SRGAP2: variants seen among roughly 807,000 people sequenced by gnomAD.
The protein encoded by SRGAP2 is SLIT-ROBO Rho GTPase activating protein 2.
In SRGAP2, 15 loss-of-function variants were observed where a neutral mutation model predicts 57.2. That is an observed-to-expected ratio of 0.26 (90% CI 0.18 to 0.40). The LOEUF (loss-of-function observed/expected upper bound fraction) is 0.40. SRGAP2 is among the 10% of genes least tolerant of loss of function. The pLI, the probability that SRGAP2 is intolerant of heterozygous loss-of-function variation, is 1.00. For synonymous variants in SRGAP2, 249 were observed against 248.0 expected (o/e 1.00, Z -0.04); for missense variants, 520 against 669.6 (o/e 0.78, Z 2.47).
intron 3 of SRGAP2, among the ~76,000 whole-genome samples, chr1:206,315,598 G>A (rs1384623494): frequency 1.1e-5 from 1 of 87,058 alleles, no homozygotes; most frequent in Non-Finnish European, 2.0e-5. Flanking sequence ...TGGAGGAAGA[G>A]TTGGGAGGAC....
intron 2 of SRGAP2, among the ~76,000 whole-genome samples, chr1:206,279,856 T>C (rs1202484321): frequency 2.0e-5 from 3 of 151,840 alleles, no homozygotes; most frequent in African/African-American, 7.3e-5. Context: ...GCTGGTTGTC[T>C]CCACTCTCTT....
chr1:206,433,564 C>G (rs1484555842), intron 14 of SRGAP2, among the ~76,000 whole-genome samples: 1 of 151,538 alleles, frequency 6.6e-6, no homozygotes, highest in Admixed American at 6.6e-5. Context: ...TCACTCAAAC[C>G]CAGGAGATGG....
rs1175692568 is a variant in SRGAP2 at position 206,429,064 on chromosome 1, ATAAATGG to A, written c.1495-1095_1495-1089del. Among the ~76,000 whole-genome samples, 4 of 152,150 alleles carry A rather than the reference ATAAATGG, an allele frequency of 2.6e-5. No homozygotes were observed. In the East Asian group the frequency reaches 7.7e-4, roughly 29 times the overall value. On this transcript the variant is annotated intron_variant, in intron 13 of 22. Transcript: ENST00000573034. ...GCCTCACACCTCTTTAAATTCCTCTATAAATGGTAGGCACTAATGTTCATGTGTTAAT... is the reference window on the plus strand; with the variant it reads ...GCCTCACACCTCTTTAAATTCCTCTATAGGCACTAATGTTCATGTGTTAAT...
intron 14 of SRGAP2, among the ~76,000 whole-genome samples, chr1:206,432,094 T>C (rs782093483): frequency 6.6e-6 from 1 of 152,216 alleles, no homozygotes; most frequent in Non-Finnish European, 1.5e-5. Context: ...CCTGATGCTC[T>C]ATGGAGCTAA....
intron 4 of SRGAP2, among the ~76,000 whole-genome samples, chr1:206,353,565 T>G (rs1676190720): frequency 6.6e-6 from 1 of 152,036 alleles, no homozygotes. Context: ...GAGAATCACT[T>G]GAACCCAGAA....
chr1:206,415,370 A>G lies in SRGAP2; in HGVS notation c.1357-519A>G, dbSNP rs1464367171. ...GAAGCTTTCCATAAAGACTCCATGC[A>G]GAATAGAGAAGGAAGCTGTTGAGGA... On this transcript the variant is annotated intron_variant, in intron 10 of 22. Transcript: ENST00000573034. Among the ~76,000 whole-genome samples the G allele has an allele frequency of 2.0e-5, 3 of 152,240 alleles. No homozygotes were observed. In the East Asian group the frequency reaches 5.8e-4, roughly 29 times the overall value.
In SRGAP2 at chr1:206,443,417, C is replaced by T. The variant is rs759512036; in HGVS notation, c.1875-2658C>T. Among the ~76,000 whole-genome samples the T allele has an allele frequency of 7.4e-4, 113 of 152,162 alleles. 1 individual carries two copies. Among genetic ancestry groups the T allele is most frequent in the Non-Finnish European group, 2.8e-4 (19 of 68,038 alleles). On this transcript the variant is annotated intron_variant, in intron 17 of 22. Coordinates refer to ENST00000573034, the MANE Select transcript of SRGAP2 (RefSeq NM_015326.5). ...GAGATGGAGTTTTGCTCTTGTCCCCCAAGCTGGAGTGCAATGGCACAATCT... is the reference window on the plus strand; with the variant it reads ...GAGATGGAGTTTTGCTCTTGTCCCCTAAGCTGGAGTGCAATGGCACAATCT...
intron 18 of SRGAP2, among the ~76,000 whole-genome samples, chr1:206,448,829 CAG>C (rs1269980334): frequency 1.3e-5 from 2 of 151,622 alleles, no homozygotes; most frequent in Non-Finnish European, 2.9e-5. Flanking sequence ...CCCTAGAAAA[CAG>C]TGAGAAATTG....
intron 2 of SRGAP2, among the ~76,000 whole-genome samples, chr1:206,230,022 A>G (rs1261754539): frequency 1.3e-5 from 2 of 152,074 alleles, no homozygotes; most frequent in African/African-American, 4.8e-5. Flanking sequence ...TAATTTCTAT[A>G]TATTTTAAAT....
chr1:206,285,130 CAT>C (rs1260030033), intron 2 of SRGAP2, among the ~76,000 whole-genome samples: 1 of 149,582 alleles, frequency 6.7e-6, no homozygotes, highest in Non-Finnish European at 1.5e-5. Flanking sequence ...AAAACTTAGA[CAT>C]ATGTGTTAGG....
rs1164879364 is a variant in SRGAP2, at chr1:206,258,345, A to C, written c.68-44936A>C. Among the ~76,000 whole-genome samples, 79 of 152,330 alleles carry C rather than the reference A, an allele frequency of 5.2e-4. 1 individual carries two copies. Among genetic ancestry groups the C allele is most frequent in the Admixed American group, 5.0e-3 (77 of 15,296 alleles). On this transcript the variant is annotated intron_variant, in intron 2 of 22. Coordinates refer to ENST00000573034, the MANE Select transcript of SRGAP2 (RefSeq NM_015326.5). ...GGCCCAGAAGCCTAAAATATTTACT[A>C]TCTGGCCTTTATAGAAAAAGTTTAC... is the stretch of plus-strand genomic sequence containing the variant.
chr1:206,372,951 CTTTCT>C (rs1378647280), intron 4 of SRGAP2, among the ~76,000 whole-genome samples: 1,188 of 11,232 alleles, frequency 0.11, 236 homozygotes, highest in East Asian at 0.31. Flanking sequence ...TTCTTTCTTT[CTTTCT>C]TTTCTTTCCT....
At position 206,272,880 on chromosome 1, in the gene SRGAP2, A is replaced by G. The variant is rs1423222962; in HGVS notation, c.68-30401A>G. Among the ~76,000 whole-genome samples, 55 of 152,234 alleles carry G rather than the reference A, an allele frequency of 3.6e-4. No individual in the cohort carries two copies. The East Asian group carries it at 9.7e-3, about 27-fold the overall frequency. ...CAAGGCGTGTTGTAGGTACCCCCAG[A>G]CCATTGCGTTAAAGCGTTCAGGATA... On this transcript the variant is annotated intron_variant, in intron 2 of 22. Transcript: ENST00000573034.
At chr1:206,277,021 A>G (rs1451740678) in intron 2 of SRGAP2, among the ~76,000 whole-genome samples, 2 of 151,302 alleles carry the variant, frequency 1.3e-5, no homozygotes, top group South Asian at 2.1e-4. Flanking sequence ...CTGGAGTGCA[A>G]TGGCGTGACC....
intron 10 of SRGAP2, among the ~76,000 whole-genome samples, chr1:206,409,706 G>A (rs868949344): frequency 1.2e-4 from 18 of 149,598 alleles, no homozygotes; most frequent in African/African-American, 3.2e-4. Flanking sequence ...TACTTGAACC[G>A]GGGAGGCATA....
chr1:206,413,433 T>C (rs1659391934), intron 10 of SRGAP2, among the ~76,000 whole-genome samples: 1 of 152,156 alleles, frequency 6.6e-6, no homozygotes, highest in South Asian at 2.1e-4. Context: ...CTGGAGCAGA[T>C]GGAAAAGGGA....
rs1660095028 is a variant in SRGAP2, at chr1:206,419,418, C to T, written c.1469+18C>T. 1 of 780,630 alleles carries T rather than the reference C, an allele frequency of 1.3e-6. No individual in the cohort carries two copies. 48.4% of individuals were successfully genotyped at this position (780,630 alleles called of 1,614,324 possible). On this transcript the variant is annotated intron_variant, in intron 12 of 22. Transcript: ENST00000573034. ...CTAGCCAGGTGAGTGTGGCCTGGGA[C>T]AGGCCTGGGAAGTGATAGAGGCTTG...
intron 4 of SRGAP2, among the ~76,000 whole-genome samples, chr1:206,372,947 C>CT (rs1240254650): frequency 9.1e-5 from 1 of 11,034 alleles, no homozygotes; most frequent in Admixed American, 1.3e-3. Context: ...TTCTTTCTTT[C>CT]TTTCTTTCTT....
At chr1:206,433,758 A>G (rs1661482686) in intron 14 of SRGAP2, among the ~76,000 whole-genome samples, 1 of 152,222 alleles carries the variant, frequency 6.6e-6, no homozygotes, top group Admixed American at 6.5e-5. Context: ...CACAATGAAG[A>G]GAATGAGGAA....
Sources: allele counts gnomAD v4.1 joint callset (sites outside exome capture counted in the v4.1 genomes callset), GRCh38; gene constraint gnomAD v4.1.1; transcripts MANE v1.5; gene names NCBI Gene and HGNC (gene_info 2026-07-23, HGNC 2026-07-21).